Variants in ZNF528 observed in about 807,000 individuals in gnomAD.
The protein encoded by ZNF528 is zinc finger protein 528.
ZNF528 carries 9 observed loss-of-function variants against 13.3 expected under a neutral mutation model. The ratio of observed to expected loss-of-function variants is 0.67; its 90% CI spans 0.41 to 1.18. The LOEUF is 1.18. Among genes scored for constraint, ZNF528 ranks in the 50% most tolerant of loss-of-function variants. ZNF528 has a pLI of 0.01. For synonymous variants in ZNF528, 264 were observed against 254.3 expected (o/e 1.04, Z -0.36); for missense variants, 858 against 745.4 (o/e 1.15, Z -1.76).
In ZNF528 at chr19:52,406,556, C is replaced by G. The variant is rs1176105244; in HGVS notation, c.184C>G (p.Gln62Glu). ...PDLSVTSMLE[Q>E]KRDPWTLQSE... The stretch of plus-strand genomic sequence containing the variant: ...CCTGAGTGTTACCTCCATGTTAGAG[C>G]AAAAGAGAGATCCCTGGACTCTGCA... Residue 62 changes from glutamine to glutamate, a missense_variant, in exon 6 of 7, where the codon CAA (glutamine) becomes GAA (glutamate). Physicochemically the swap from Gln to Glu is conservative, Grantham distance 29. Transcript: ENST00000360465. 1 of 1,613,870 alleles carries G rather than the reference C, an allele frequency of 6.2e-7. No homozygotes were observed. The highest frequency in any genetic ancestry group is 1.3e-5 in the African/African-American group (1 of 74,906).
chr19:52,408,712 T>A lies in ZNF528; in HGVS notation c.271+2069T>A, dbSNP rs112511632. On this transcript the variant is annotated intron_variant, in intron 6 of 6. Coordinates refer to ENST00000360465, the MANE Select transcript of ZNF528 (RefSeq NM_032423.3). ...CCTCAGCCTCCCGAGTAGCTGGGGT[T>A]ACAGACACCACGCCCAACTAGTTTT... 9.3e-3 allele frequency among the ~76,000 whole-genome samples: 1,416 copies of A among 152,152 alleles called. 19 individuals carry two copies. The highest frequency in any genetic ancestry group is 0.032 in the African/African-American group (1,331 of 41,510).
At chr19:52,401,547 C>T (rs2058794109) in intron 2 of ZNF528, 138 bp from the exon 3 acceptor site, 1 of 638,288 alleles carries the variant, frequency 1.6e-6, no homozygotes, top group African/African-American at 2.0e-5. Flanking sequence ...CCCGCTCCCT[C>T]TACTGCAACT....
rs368168619 is a variant in ZNF528, at chr19:52,407,287, C to T, written c.271+644C>T. Among the ~76,000 whole-genome samples, 78 of 152,056 alleles carry T rather than the reference C, an allele frequency of 5.1e-4. No individual in the cohort carries two copies. In the South Asian group the frequency reaches 6.6e-3, roughly 13 times the overall value. ...CTGAATAGCTGGGACTGCAGGTGTA[C>T]GCCACCATGCCTGGCTAATTTTTTG... On this transcript the variant is annotated intron_variant, in intron 6 of 6. Coordinates refer to ENST00000360465, the MANE Select transcript of ZNF528 (RefSeq NM_032423.3).
intron 6 of ZNF528, among the ~76,000 whole-genome samples, chr19:52,410,713 A>C (rs1472950038): frequency 6.6e-6 from 1 of 152,182 alleles, no homozygotes; most frequent in Non-Finnish European, 1.5e-5. Context: ...AACAAAAACA[A>C]AGGTTTTTGT....
intron 6 of ZNF528, among the ~76,000 whole-genome samples, chr19:52,409,184 T>C (rs1445686127): frequency 6.6e-6 from 1 of 152,176 alleles, no homozygotes; most frequent in Non-Finnish European, 1.5e-5. Context: ...GACAAGTCTC[T>C]TTTTTGTTGC....
At position 52,406,610 on chromosome 19, in the gene ZNF528, G is replaced by T. The variant is rs747080496; in HGVS notation, c.238G>T (p.Asp80Tyr). Reference sequence around the variant, plus strand: ...TGAAGAGAAAATAGCAAACGATCCAGACGGCAGGGAGTGCATCAAAGGTGT... The same window carrying T: ...TGAAGAGAAAATAGCAAACGATCCATACGGCAGGGAGTGCATCAAAGGTGT... Reference protein sequence around the residue: ...QSEEKIANDPDGRECIKGVNT... With the variant: ...QSEEKIANDPYGRECIKGVNT... The change falls in exon 6 of 7, where the codon GAC (aspartate) becomes TAC (tyrosine). Residue 80 changes from aspartate (D) to tyrosine (Y), a missense_variant. Transcript: ENST00000360465. 12 of 1,613,954 alleles carry T rather than the reference G, an allele frequency of 7.4e-6. No homozygotes were observed. Among genetic ancestry groups the T allele is most frequent in the South Asian group, 1.1e-5 (1 of 91,064 alleles).
In ZNF528 at chr19:52,406,015, A is replaced by G. The variant is rs895396840; in HGVS notation, c.124A>G (p.Arg42Gly). Residue 42 changes from arginine (R) to glycine (G), a missense_variant, in exon 5 of 7, where the codon AGG (arginine) becomes GGG (glycine). Physicochemically the swap from Arg to Gly is moderately radical, Grantham distance 125. Coordinates refer to ENST00000360465, the MANE Select transcript of ZNF528 (RefSeq NM_032423.3). The part of the protein sequence containing the change: ...LYRDVMLENY[R>G]NLVSLGICLP... ...CAGGGACGTGATGTTGGAGAATTATAGGAACCTGGTCTCCCTGGGTGAGGA... is the reference window on the plus strand; with the variant it reads ...CAGGGACGTGATGTTGGAGAATTATGGGAACCTGGTCTCCCTGGGTGAGGA... 1.9e-6 allele frequency: 3 copies of G among 1,610,778 alleles called. No homozygotes were observed. The highest frequency in any genetic ancestry group is 4.5e-5 in the East Asian group (2 of 44,752).
At position 52,416,456 on chromosome 19, in the gene ZNF528, A is replaced by G. The variant is rs753981791; in HGVS notation, c.1604A>G (p.Tyr535Cys). The change falls in exon 7 of 7, where the codon TAC (tyrosine) becomes TGC (cysteine). Residue 535 changes from tyrosine to cysteine, a missense_variant. By Grantham distance (194) the Tyr-to-Cys change is radical. Coordinates refer to ENST00000360465, the MANE Select transcript of ZNF528 (RefSeq NM_032423.3). ...GGCAAGGTCTTTAATCAAGCATCAT[A>G]CCTTACAAGACATCAAATAATTCAT... ...QCGKVFNQAS[Y>C]LTRHQIIHTG... is the part of the protein sequence containing the mutation. 5 of 1,614,050 alleles carry G rather than the reference A, an allele frequency of 3.1e-6. No individual in the cohort carries two copies. In the East Asian group the frequency reaches 8.9e-5, roughly 29 times the overall value.
intron 6 of ZNF528, chr19:52,413,904 A>C (rs2122586898): frequency 3.5e-6 from 1 of 283,806 alleles, no homozygotes; most frequent in Middle Eastern, 1.2e-3. Flanking sequence ...CCAATTTTCC[A>C]CATCAAGAGT....
At chr19:52,399,387 G>A (rs2058765309) in intron 2 of ZNF528, among the ~76,000 whole-genome samples, 2 of 152,146 alleles carry the variant, frequency 1.3e-5, no homozygotes, top group African/African-American at 2.4e-5. Context: ...TGAGGTGAGC[G>A]GATCACTTGA....
intron 4 of ZNF528, among the ~76,000 whole-genome samples, chr19:52,405,157 C>T (rs914931441): frequency 6.7e-5 from 10 of 149,268 alleles, no homozygotes; most frequent in Non-Finnish European, 1.3e-4. Context: ...GTGGAGGTTG[C>T]AGTGAGCCAA....
At chr19:52,414,812 C>G (rs1427038216) in intron 6 of ZNF528, 1 of 621,848 alleles carries the variant, frequency 1.6e-6, no homozygotes, top group Non-Finnish European at 2.6e-6. Context: ...CTATACAGCT[C>G]TTCTTGGATT....
chr19:52,416,065 A>G lies in ZNF528; in HGVS notation c.1213A>G (p.Arg405Gly), dbSNP rs147551592. ...FLTSHQRIHT[R>G]ERPYGCSQCG... The stretch of plus-strand genomic sequence containing the variant: ...GACCTCTCATCAGAGAATTCATACT[A>G]GAGAGAGACCTTATGGATGCAGTCA... The change falls in exon 7 of 7, where the codon AGA becomes GGA. Residue 405 changes from arginine to glycine, a missense_variant. By Grantham distance (125) the Arg-to-Gly change is moderately radical. Coordinates refer to ENST00000360465, the MANE Select transcript of ZNF528 (RefSeq NM_032423.3). 4.8e-5 allele frequency: 77 copies of G among 1,614,020 alleles called. No individual in the cohort carries two copies. In the African/African-American group the frequency reaches 9.5e-4, roughly 20 times the overall value.
chr19:52,404,704 C>T (rs1465407323), intron 4 of ZNF528, among the ~76,000 whole-genome samples: 1 of 152,022 alleles, frequency 6.6e-6, no homozygotes, highest in Non-Finnish European at 1.5e-5. Flanking sequence ...TCAAGAGATT[C>T]TCCTGTCTCA....
intron 6 of ZNF528, among the ~76,000 whole-genome samples, chr19:52,408,021 A>G (rs758045876): frequency 7.9e-5 from 12 of 151,886 alleles, no homozygotes; most frequent in Non-Finnish European, 1.2e-4. Context: ...GGCCCAAAAC[A>G]TTCTATTTTA....
At position 52,405,975 on chromosome 19, in the gene ZNF528, G is replaced by A. The variant is rs373691668; in HGVS notation, c.84G>A (p.Ala28=). ...AAGAGTGGAAATGCCTGGACCCTGC[G>A]CAGAGGACTTTATACAGGGACGTGA... The part of the protein sequence containing the change: ...SQEEWKCLDP[A]QRTLYRDVML... Residue 28 remains alanine (A), a synonymous_variant, in exon 5 of 7, where the codon GCG becomes GCA. Transcript: ENST00000360465. 1.9e-5 allele frequency: 30 copies of A among 1,611,946 alleles called. No individual in the cohort carries two copies. The highest frequency in any genetic ancestry group is 2.7e-5 in the African/African-American group (2 of 74,864).
intron 2 of ZNF528, 135 bp from the exon 3 acceptor site, chr19:52,401,550 C>T (rs1158837208): frequency 1.5e-6 from 1 of 671,340 alleles, no homozygotes; most frequent in Non-Finnish European, 2.2e-6. Flanking sequence ...GCTCCCTCTA[C>T]TGCAACTACA....
chr19:52,400,573 A>G lies in ZNF528; in HGVS notation c.-136-1112A>G, dbSNP rs2058781290. Among the ~76,000 whole-genome samples, 5 of 152,244 alleles carry G rather than the reference A, an allele frequency of 3.3e-5. No homozygotes were observed. In the Middle Eastern group the frequency reaches 0.01, roughly 311 times the overall value. The stretch of plus-strand genomic sequence containing the variant: ...GTCTTGCTCTGTCACCCAAGCTGGC[A>G]TGCAGTGGCACAGTCATAGTTCACC... On this transcript the variant is annotated intron_variant, in intron 2 of 6. Coordinates refer to ENST00000360465, the MANE Select transcript of ZNF528 (RefSeq NM_032423.3).
chr19:52,408,954 C>T lies in ZNF528; in HGVS notation c.271+2311C>T, dbSNP rs369656869. On this transcript the variant is annotated intron_variant, in intron 6 of 6. Coordinates refer to ENST00000360465, the MANE Select transcript of ZNF528 (RefSeq NM_032423.3). ...TTGAATGCTCGTTTTAGCATTTCTTCTTGGACAGGTCTAGAATACTAATTA... is the reference window on the plus strand; with the variant it reads ...TTGAATGCTCGTTTTAGCATTTCTTTTTGGACAGGTCTAGAATACTAATTA... 1.6e-4 allele frequency among the ~76,000 whole-genome samples: 24 copies of T among 152,294 alleles called. No individual in the cohort carries two copies. In the East Asian group the frequency reaches 3.1e-3, roughly 20 times the overall value.
Sources: gnomAD v4.1 joint callset for allele counts (sites outside exome capture counted in the v4.1 genomes callset) on GRCh38, gnomAD v4.1.1 for gene constraint, MANE v1.5 for transcripts, NCBI Gene and HGNC (gene_info 2026-07-23, HGNC 2026-07-21) for gene names.